FARSB: variants seen among roughly 807,000 people sequenced by gnomAD.
FARSB encodes the protein phenylalanyl-tRNA synthetase subunit beta.
FARSB carries 40 observed loss-of-function variants against 69.6 expected under a neutral mutation model. The ratio of observed to expected loss-of-function variants is 0.57; its 90% CI spans 0.45 to 0.75. FARSB has a LOEUF of 0.75. Ranked by LOEUF, FARSB falls within the 30% of genes least tolerant of loss-of-function variation. FARSB has a pLI of 0.00. For synonymous variants in FARSB, 235 were observed against 247.2 expected (o/e 0.95, Z 0.46); for missense variants, 632 against 722.9 (o/e 0.87, Z 1.44).
At chr2:222,631,836 G>A (rs892674960) in intron 7 of FARSB, among the ~76,000 whole-genome samples, 162 bp from the exon 8 acceptor site, 1 of 152,244 alleles carries the variant, frequency 6.6e-6, no homozygotes, top group Non-Finnish European at 1.5e-5. Flanking sequence ...ACTCTGGGAG[G>A]CCAAAGTGGG....
At chr2:222,586,700 T>G (rs970184907) in intron 16 of FARSB, among the ~76,000 whole-genome samples, 2 of 151,858 alleles carry the variant, frequency 1.3e-5, no homozygotes, top group African/African-American at 4.8e-5. Flanking sequence ...AAAAGCAGGT[T>G]TTGCAATCCT....
chr2:222,602,067 T>C (rs558702626), intron 15 of FARSB, among the ~76,000 whole-genome samples: 45 of 152,226 alleles, frequency 3.0e-4, no homozygotes, highest in Admixed American at 2.1e-3. Context: ...AGGAACAAAC[T>C]GTAGATAGAC....
chr2:222,652,013 C>A (rs1692049913), intron 1 of FARSB, among the ~76,000 whole-genome samples: 2 of 152,202 alleles, frequency 1.3e-5, no homozygotes. Context: ...ACCAATGACT[C>A]CTTTGTGTCT....
chr2:222,600,526 G>A (rs960016310), intron 15 of FARSB, among the ~76,000 whole-genome samples: 2 of 152,062 alleles, frequency 1.3e-5, no homozygotes, highest in Non-Finnish European at 2.9e-5. Context: ...ACCTATATTA[G>A]GGATGGCTAC....
At chr2:222,651,192 C>T (rs79188265) in intron 1 of FARSB, among the ~76,000 whole-genome samples, 2 of 152,042 alleles carry the variant, frequency 1.3e-5, no homozygotes, top group African/African-American at 4.8e-5. Flanking sequence ...TAAGAAGAGG[C>T]GGAAGGCTTA....
rs1485630034 is a variant in FARSB, at chr2:222,655,976, A to G, written c.58+40T>C. 3 of 1,500,358 alleles carry G rather than the reference A, an allele frequency of 2.0e-6. No homozygotes were observed. In the Admixed American group the frequency reaches 5.5e-5, roughly 28 times the overall value. 92.9% of individuals were successfully genotyped at this position (1,500,358 alleles called of 1,614,324 possible). A position where few individuals can be genotyped will look rare whatever the true frequency, so the allele number is the denominator to read the frequency against. ...CTTTTGGAGGGAGGCCCTGCCTCCG[A>G]GAAGAGGCGTAGGGCCCAACGTATA... On this transcript the variant is annotated intron_variant, in intron 1 of 16. Transcript: ENST00000281828.
At chr2:222,572,056 T>G (rs1689731329) in intron 16 of FARSB, 34 bp from the exon 17 acceptor site, 1 of 1,595,886 alleles carries the variant, frequency 6.3e-7, no homozygotes, top group South Asian at 1.1e-5. Flanking sequence ...AAATCAATGT[T>G]TCTTCTGGCA....
rs1689683533 is a variant in FARSB, at chr2:222,569,787, G to C, written c.*2084C>G. ...TGAAATTCATTCATGTTGTTTTGAG[G>C]ATCAGTAGTTCATTCCTTCTTATTG... On this transcript the variant is annotated 3_prime_UTR_variant, in exon 17 of 17. Coordinates refer to ENST00000281828, the MANE Select transcript of FARSB (RefSeq NM_005687.5). The C allele has an allele frequency of 6.6e-6, 1 of 152,120 alleles. No homozygotes were observed. The highest frequency in any genetic ancestry group is 6.6e-5 in the Admixed American group (1 of 15,256). The allele number at this position is 152,120 out of a possible 1,614,324, so 9.4% of individuals were successfully genotyped here.
intron 13 of FARSB, among the ~76,000 whole-genome samples, chr2:222,621,930 T>C (rs1691146779): frequency 6.6e-6 from 1 of 152,202 alleles, no homozygotes; most frequent in Non-Finnish European, 1.5e-5. Context: ...CTCCTTTCTC[T>C]TCCCCCCAGT....
chr2:222,615,223 G>C (rs1433939181), intron 14 of FARSB, among the ~76,000 whole-genome samples: 1 of 152,188 alleles, frequency 6.6e-6, no homozygotes, highest in Non-Finnish European at 1.5e-5. Flanking sequence ...ACATTATTGT[G>C]AGAGTCTGGG....
chr2:222,620,072 T>G lies in FARSB; in HGVS notation c.1252-335A>C, dbSNP rs137990134. Among the ~76,000 whole-genome samples, 1,480 of 152,228 alleles carry G rather than the reference T, an allele frequency of 9.7e-3. 12 individuals are homozygous for G. The highest frequency in any genetic ancestry group is 0.058 in the Middle Eastern group (17 of 294). On this transcript the variant is annotated intron_variant, in intron 13 of 16. Transcript: ENST00000281828. ...GATGGTATAAACTGTACTCGGGCCC[T>G]TCCTAAGCTAGTTTCCCATTTACCT...
At chr2:222,607,571 C>T (rs1690734851) in intron 15 of FARSB, among the ~76,000 whole-genome samples, 1 of 151,034 alleles carries the variant, frequency 6.6e-6, no homozygotes, top group Non-Finnish European at 1.5e-5. Flanking sequence ...TAAATAAAAG[C>T]ATAACATATG....
intron 9 of FARSB, among the ~76,000 whole-genome samples, chr2:222,629,750 A>G (rs1230950721): frequency 6.6e-6 from 1 of 152,020 alleles, no homozygotes; most frequent in Non-Finnish European, 1.5e-5. Flanking sequence ...TTATTCATTC[A>G]TTTTTTTAAA....
At chr2:222,646,778 ACTT>A (rs1357354577) in intron 2 of FARSB, among the ~76,000 whole-genome samples, 2 of 152,156 alleles carry the variant, frequency 1.3e-5, no homozygotes, top group Non-Finnish European at 2.9e-5. Context: ...TTCAGACTTG[ACTT>A]CTTCTGCCGT....
chr2:222,651,380 A>T (rs536116094), intron 1 of FARSB, among the ~76,000 whole-genome samples: 75 of 152,364 alleles, frequency 4.9e-4, no homozygotes, highest in African/African-American at 1.7e-3. Context: ...GGGATTTAAA[A>T]AATTCTCATC....
Position 222,567,399 on chromosome 2 carries a change from A to C in FARSB, c.*4472T>G, listed in dbSNP as rs982171429. On this transcript the variant is annotated 3_prime_UTR_variant, in exon 17 of 17. Transcript: ENST00000281828. ...CTGTTTGCTTTTGGATAAAATGGAC[A>C]GAAGGGCCAAAGTAAATACTCAAGT... 6.6e-6 allele frequency: 1 copy of C among 152,254 alleles called. No individual in the cohort carries two copies. The highest frequency in any genetic ancestry group is 2.4e-5 in the African/African-American group (1 of 41,472). 9.4% of individuals were successfully genotyped at this position (152,254 alleles called of 1,614,324 possible).
intron 1 of FARSB, among the ~76,000 whole-genome samples, chr2:222,655,615 C>T (rs977816082): frequency 6.6e-6 from 1 of 152,208 alleles, no homozygotes; most frequent in African/African-American, 2.4e-5. Flanking sequence ...CCGTTCTCCA[C>T]CCCGCTGCAC....
chr2:222,622,605 T>C (rs1443833232), intron 13 of FARSB, among the ~76,000 whole-genome samples: 1 of 152,224 alleles, frequency 6.6e-6, no homozygotes, highest in African/African-American at 2.4e-5. Flanking sequence ...CAAATGTGTG[T>C]ATATATATGT....
intron 15 of FARSB, among the ~76,000 whole-genome samples, chr2:222,612,289 T>G (rs1690875011): frequency 6.6e-6 from 1 of 152,228 alleles, no homozygotes; most frequent in Non-Finnish European, 1.5e-5. Context: ...TCTAAGGATG[T>G]GTGACTGAGA....
Sources: gnomAD v4.1 joint callset for allele counts (sites outside exome capture counted in the v4.1 genomes callset) on GRCh38, gnomAD v4.1.1 for gene constraint, MANE v1.5 for transcripts, NCBI Gene and HGNC (gene_info 2026-07-23, HGNC 2026-07-21) for gene names.